The following MYO16 variants were observed in gnomAD, a reference collection of about 807,000 sequenced individuals.
MYO16 encodes the protein myosin XVI.
MYO16 carries 94 observed loss-of-function variants against 205.3 expected under a neutral mutation model. That is an observed-to-expected ratio of 0.46 (90% CI 0.39 to 0.54). The LOEUF (loss-of-function observed/expected upper bound fraction) is 0.54. Ranked by LOEUF, MYO16 falls within the 20% of genes least tolerant of loss-of-function variation. The probability of loss-of-function intolerance (pLI) is 0.00; values close to 1 mark genes in which losing one functional copy is unlikely to be tolerated. For missense variants in MYO16, 2,315 were observed against 2,387.5 expected, an observed-to-expected ratio of 0.97 and a Z score of 0.63; for synonymous variants, 988 against 954.0, an observed-to-expected ratio of 1.04 and a Z score of -0.66.
intron 2 of MYO16, among the ~76,000 whole-genome samples, chr13:108,681,836 G>A (rs906157238): frequency 2.0e-5 from 3 of 152,058 alleles, no homozygotes; most frequent in Non-Finnish European, 4.4e-5. Flanking sequence ...CTCTTTATCC[G>A]TATAACTACA....
In MYO16 at chr13:108,720,042, G is replaced by A. The variant is rs59217211; in HGVS notation, c.363+7311G>A. 1.2e-3 allele frequency among the ~76,000 whole-genome samples: 179 copies of A among 152,262 alleles called. 1 individual carries two copies. The highest frequency in any genetic ancestry group is 4.1e-3 in the African/African-American group (170 of 41,546). On this transcript the variant is annotated intron_variant, in intron 3 of 34. Transcript: ENST00000457511. ...TGTTTAGAGTCTGGTTCAATTGGCT[G>A]GAAGCTGCGGCTCTCTGCAGTGCAA... is the stretch of plus-strand genomic sequence containing the variant.
At chr13:108,694,491 G>A (rs187430683) in intron 2 of MYO16, among the ~76,000 whole-genome samples, 72 of 152,046 alleles carry the variant, frequency 4.7e-4, no homozygotes, top group African/African-American at 1.6e-3. Flanking sequence ...CATTTCCCAA[G>A]CATCTTTCAT....
the MYO16 span, among the ~76,000 whole-genome samples, chr13:108,564,639 A>G: frequency 6.6e-6 from 1 of 152,086 alleles, no homozygotes; most frequent in Non-Finnish European, 1.5e-5. Context: ...TGCTGTGCAA[A>G]AGGCTTTTTA....
chr13:109,140,612 C>A lies in MYO16; in HGVS notation c.4400C>A (p.Pro1467Gln). The A allele has an allele frequency of 6.6e-7, 1 of 1,518,198 alleles. No homozygotes were observed. Among genetic ancestry groups the A allele is most frequent in the Non-Finnish European group, 8.8e-7 (1 of 1,138,656 alleles). The allele number at this position is 1,518,198 out of a possible 1,614,324, so 94.0% of individuals were successfully genotyped here. Residue 1467 changes from proline to glutamine, a missense_variant, in exon 32 of 35, where the codon CCG (proline) becomes CAG (glutamine). Transcript: ENST00000457511. The surrounding 1 kb of genome is among the most constrained non-coding windows in gnomAD (Gnocchi z 8.0). Reference protein sequence around the residue: ...MKCCLPDDGGPGAGSFLLHGA... With the variant: ...MKCCLPDDGGQGAGSFLLHGA... The stretch of plus-strand genomic sequence containing the variant: ...TGTTGCCTGCCCGACGACGGCGGCC[C>A]GGGCGCGGGCTCCTTCCTGCTCCAC...
At chr13:108,809,100 G>A (rs1887206800) in intron 7 of MYO16, among the ~76,000 whole-genome samples, 1 of 152,208 alleles carries the variant, frequency 6.6e-6, no homozygotes, top group Admixed American at 6.5e-5. Context: ...CAGAAGCCAT[G>A]TTGACTTTGT....
the MYO16 span, among the ~76,000 whole-genome samples, chr13:108,524,525 C>T: frequency 1.3e-5 from 2 of 152,092 alleles, no homozygotes; most frequent in African/African-American, 2.4e-5. Context: ...TAAACATCTT[C>T]TTTTTAAAAA....
At chr13:108,550,046 G>C in the MYO16 span, among the ~76,000 whole-genome samples, 1 of 152,240 alleles carries the variant, frequency 6.6e-6, no homozygotes, top group African/African-American at 2.4e-5. Context: ...GATAGGGCCA[G>C]CTGGCTGGCA....
At chr13:109,024,196 A>T (rs1382197142) in intron 23 of MYO16, among the ~76,000 whole-genome samples, 1 of 151,410 alleles carries the variant, frequency 6.6e-6, no homozygotes, top group Non-Finnish European at 1.5e-5. Flanking sequence ...GCAATCTTAG[A>T]CTTGTATTTC....
chr13:108,507,000 A>G, the MYO16 span, among the ~76,000 whole-genome samples: 1 of 152,054 alleles, frequency 6.6e-6, no homozygotes, highest in Admixed American at 6.5e-5. Context: ...TTATGTTTGT[A>G]TGTTGAACCA....
intron 34 of MYO16, among the ~76,000 whole-genome samples, chr13:109,200,503 A>G (rs1478180656): frequency 1.3e-5 from 2 of 152,160 alleles, no homozygotes; most frequent in Admixed American, 1.3e-4. Flanking sequence ...TACTCACTAC[A>G]TTATTCAATA....
At chr13:108,550,672 A>G in the MYO16 span, among the ~76,000 whole-genome samples, 10 of 152,352 alleles carry the variant, frequency 6.6e-5, no homozygotes, top group East Asian at 1.9e-3. Context: ...TGAAAAAGAA[A>G]AGTAATGATT....
At chr13:108,850,879 C>A (rs1877827695) in intron 10 of MYO16, among the ~76,000 whole-genome samples, 2 of 152,162 alleles carry the variant, frequency 1.3e-5, no homozygotes, top group Admixed American at 1.3e-4. Flanking sequence ...CTAGTACTTT[C>A]TCTGACCCAT....
intron 4 of MYO16, among the ~76,000 whole-genome samples, chr13:108,767,263 C>T (rs546882936): frequency 1.5e-4 from 23 of 152,052 alleles, no homozygotes; most frequent in Admixed American, 2.6e-4. Context: ...CCACCATGCC[C>T]GGTTAATATT....
At chr13:108,499,312 G>A in the MYO16 span, among the ~76,000 whole-genome samples, 2 of 152,192 alleles carry the variant, frequency 1.3e-5, no homozygotes, top group African/African-American at 4.8e-5. Context: ...AATTTCTAAG[G>A]ACTGGCGAGG....
intron 16 of MYO16, among the ~76,000 whole-genome samples, chr13:108,921,938 T>C (rs1480800967): frequency 1.3e-5 from 2 of 152,172 alleles, no homozygotes; most frequent in Non-Finnish European, 2.9e-5. Context: ...TCACTATTAG[T>C]GTAGAAGGCT....
At chr13:108,754,959 TAGAGAGAGAGAC>T (rs1347863124) in intron 4 of MYO16, among the ~76,000 whole-genome samples, 8 of 151,244 alleles carry the variant, frequency 5.3e-5, no homozygotes, top group Non-Finnish European at 1.0e-4. Flanking sequence ...GATGAATATA[TAGAGAGAGAGAC>T]AGAGAGAGAG....
chr13:109,165,443 G>A (rs1878611595), intron 33 of MYO16, among the ~76,000 whole-genome samples: 1 of 152,170 alleles, frequency 6.6e-6, no homozygotes, highest in South Asian at 2.1e-4. Context: ...ACTGGCTTCA[G>A]GTATTTTAAG....
the MYO16 span, among the ~76,000 whole-genome samples, chr13:108,580,966 G>A: frequency 2.6e-5 from 4 of 152,148 alleles, no homozygotes; most frequent in African/African-American, 9.7e-5. Context: ...TGTTTTATAA[G>A]CCTTCAGCAA....
intron 11 of MYO16, among the ~76,000 whole-genome samples, chr13:108,856,296 A>G (rs998938527): frequency 6.6e-6 from 1 of 152,216 alleles, no homozygotes; most frequent in Non-Finnish European, 1.5e-5. Flanking sequence ...TTATGCATAT[A>G]CCAGCTATCC....
Sources: gnomAD v4.1 joint callset for allele counts (sites outside exome capture counted in the v4.1 genomes callset) on GRCh38, gnomAD v4.1.1 for gene constraint, Gnocchi (gnomAD v3.1) non-coding constraint, MANE v1.5 for transcripts, NCBI Gene and HGNC (gene_info 2026-07-23, HGNC 2026-07-21) for gene names.